The following AFF3 variants were observed in gnomAD, a reference collection of about 807,000 sequenced individuals.
AFF3 encodes ALF transcription elongation factor 3.
Under a neutral mutation model 129.7 loss-of-function variants are expected in AFF3, and 32 were observed. The observed-to-expected ratio is 0.25, with a 90% CI of 0.19 to 0.33. The LOEUF is 0.33. Among genes scored for constraint, AFF3 ranks in the 10% least tolerant of loss-of-function variants. The pLI is 1.00. For synonymous variants in AFF3, 644 were observed against 635.4 expected, an observed-to-expected ratio of 1.01 and a Z score of -0.20; for missense variants, 1,373 against 1,592.0, an observed-to-expected ratio of 0.86 and a Z score of 2.34.
chr2:99,877,524 A>G (rs536837988), intron 7 of AFF3, among the ~76,000 whole-genome samples: 4 of 152,350 alleles, frequency 2.6e-5, no homozygotes, highest in Admixed American at 2.6e-4. Flanking sequence ...GGCAGCATAG[A>G]CAGGGAACCT....
intron 2 of AFF3, among the ~76,000 whole-genome samples, chr2:100,121,931 G>A (rs62149358): frequency 0.13 from 19,029 of 151,788 alleles, 1,409 homozygotes; most frequent in Non-Finnish European, 0.15. Flanking sequence ...GCGCGGTGGC[G>A]GGCGCCTGTA....
At chr2:99,601,727 C>T (rs899634893) in intron 13 of AFF3, 106 bp from the exon 14 acceptor site, 2 of 1,301,476 alleles carry the variant, frequency 1.5e-6, no homozygotes, top group Non-Finnish European at 2.1e-6. Flanking sequence ...AGGAGGCACG[C>T]AGCCTACACA....
chr2:100,012,102 T>A (rs562569215), intron 4 of AFF3, among the ~76,000 whole-genome samples: 13 of 152,202 alleles, frequency 8.5e-5, no homozygotes, highest in African/African-American at 3.1e-4. Context: ...GTGAACACCC[T>A]CAGGACCACT....
At chr2:99,939,255 AC>A (rs1674806624) in intron 7 of AFF3, among the ~76,000 whole-genome samples, 3 of 152,242 alleles carry the variant, frequency 2.0e-5, no homozygotes, top group Non-Finnish European at 4.4e-5. Flanking sequence ...CCATAAATCC[AC>A]TGGCAGAATG....
At chr2:99,853,810 CAA>C (rs746819634) in intron 7 of AFF3, among the ~76,000 whole-genome samples, 29 of 152,164 alleles carry the variant, frequency 1.9e-4, no homozygotes, top group Admixed American at 5.9e-4. Context: ...GGCAACATAG[CAA>C]GATCCCATCT....
chr2:100,106,956 G>T, intron 2 of AFF3: 3 of 985,454 alleles, frequency 3.0e-6, no homozygotes, highest in Non-Finnish European at 3.6e-6. Flanking sequence ...ATGTAGTAAC[G>T]GGCAGATTTA....
At chr2:99,618,950 T>C (rs1224132441) in intron 13 of AFF3, among the ~76,000 whole-genome samples, 2 of 150,804 alleles carry the variant, frequency 1.3e-5, no homozygotes, top group East Asian at 3.9e-4. Flanking sequence ...GCTTGCTATG[T>C]TGGCCAGGGT....
intron 4 of AFF3, among the ~76,000 whole-genome samples, chr2:100,044,926 T>A (rs1432234767): frequency 6.6e-6 from 1 of 151,820 alleles, no homozygotes. Context: ...GACCATCACG[T>A]CAAGCAGACA....
Position 99,601,477 on chromosome 2 carries a change from G to T in AFF3, c.1329C>A (p.Ser443Arg). The change falls in exon 14 of 25, where the codon AGC (serine) becomes AGA (arginine). Residue 443 changes from serine to arginine, a missense_variant. Physicochemically the swap from Ser to Arg is moderately radical, Grantham distance 110 (BLOSUM62 -1). Coordinates refer to ENST00000672756, the MANE Select transcript of AFF3 (RefSeq NM_001386135.1). Reference sequence around the variant, plus strand: ...GGGGGGGCTTGCTGCCCTCACTCTCGCTGGAGCTGCTCTCGGTCTCCGAGT... The same window carrying T: ...GGGGGGGCTTGCTGCCCTCACTCTCTCTGGAGCTGCTCTCGGTCTCCGAGT... Reference protein sequence around the residue: ...GSDSETESSSSESEGSKPPHF... With the variant: ...GSDSETESSSRESEGSKPPHF... 1 of 1,609,916 alleles carries T rather than the reference G, an allele frequency of 6.2e-7. No individual in the cohort carries two copies.
chr2:99,705,309 A>G (rs998975497), intron 11 of AFF3, among the ~76,000 whole-genome samples: 2 of 152,064 alleles, frequency 1.3e-5, no homozygotes, highest in Non-Finnish European at 2.9e-5. Context: ...CTGTGTTTGT[A>G]TTGTTTGGGA....
chr2:100,038,970 T>C (rs1158048622), intron 4 of AFF3, among the ~76,000 whole-genome samples: 3 of 152,154 alleles, frequency 2.0e-5, no homozygotes, highest in Non-Finnish European at 4.4e-5. Flanking sequence ...GTGATCCACC[T>C]GCCTTGGCCT....
chr2:99,624,920 TACC>T (rs1272107151), intron 13 of AFF3, among the ~76,000 whole-genome samples: 1 of 152,126 alleles, frequency 6.6e-6, no homozygotes, highest in African/African-American at 2.4e-5. Flanking sequence ...GGCTCCACCC[TACC>T]GATTTCCAAA....
At position 100,033,215 on chromosome 2, in the gene AFF3, C is replaced by A. The variant is rs775175087; in HGVS notation, c.54-24283G>T. Among the ~76,000 whole-genome samples the A allele has an allele frequency of 2.6e-5, 4 of 152,252 alleles. No homozygotes were observed. The South Asian group carries it at 6.2e-4, about 24-fold the overall frequency. ...TGAGGCCAATGTTGCAAAGAGCCTT[C>A]ACCCCCATCAACACATTACAAACAT... On this transcript the variant is annotated intron_variant, in intron 4 of 24. Transcript: ENST00000672756.
At position 100,065,610 on chromosome 2, in the gene AFF3, A is replaced by T. The variant is rs187456762; in HGVS notation, c.53+38792T>A. ...ATATTTTCCACAACTGACAACCATG[A>T]CTAAAACATGAATTCTAGGATTAAC... On this transcript the variant is annotated intron_variant, in intron 4 of 24. Transcript: ENST00000672756. Among the ~76,000 whole-genome samples the T allele has an allele frequency of 5.5e-3, 838 of 152,330 alleles. 12 individuals are homozygous for T. Among genetic ancestry groups the T allele is most frequent in the African/African-American group, 0.019 (807 of 41,578 alleles).
At chr2:99,937,453 G>GGAGT (rs1277158399) in intron 7 of AFF3, among the ~76,000 whole-genome samples, 1 of 152,042 alleles carries the variant, frequency 6.6e-6, no homozygotes, top group Non-Finnish European at 1.5e-5. Flanking sequence ...AGGCTGGAGT[G>GGAGT]GAGTGAGCGA....
Position 99,670,566 on chromosome 2 carries a change from G to A in AFF3, c.1143+1972C>T, listed in dbSNP as rs189771941. ...GTGTGTGTGTGTGTGTTCGTGCACC[G>A]GCTATGCTGCTTCCGGGATAAAGCA... On this transcript the variant is annotated intron_variant, in intron 12 of 24. Transcript: ENST00000672756. Among the ~76,000 whole-genome samples the A allele has an allele frequency of 1.4e-3, 209 of 151,970 alleles. 1 individual carries two copies. Among genetic ancestry groups the A allele is most frequent in the African/African-American group, 4.7e-3 (195 of 41,450 alleles).
At chr2:99,749,668 C>A (rs10191816) in intron 9 of AFF3, among the ~76,000 whole-genome samples, 112,270 of 152,088 alleles carry the variant, frequency 0.74, 42,309 homozygotes, top group East Asian at 0.92. Context: ...GGGCTAGAAG[C>A]CTGGGAACTT....
At chr2:99,726,151 C>G (rs1207799092) in intron 11 of AFF3, among the ~76,000 whole-genome samples, 2 of 152,162 alleles carry the variant, frequency 1.3e-5, no homozygotes, top group Non-Finnish European at 2.9e-5. Flanking sequence ...GAAAGACAAA[C>G]ATATAATCAT....
intron 8 of AFF3, among the ~76,000 whole-genome samples, chr2:99,778,526 T>C (rs537321470): frequency 2.0e-5 from 3 of 152,258 alleles, no homozygotes; most frequent in East Asian, 1.9e-4. Flanking sequence ...CCCACTCCCA[T>C]CTCTAGATGC....
Sources: allele counts gnomAD v4.1 joint callset (sites outside exome capture counted in the v4.1 genomes callset), GRCh38; gene constraint gnomAD v4.1.1; transcripts MANE v1.5; gene names NCBI Gene and HGNC (gene_info 2026-07-23, HGNC 2026-07-21).